The following COL10A1 variants were observed in gnomAD, a reference collection of about 807,000 sequenced individuals.
COL10A1 encodes collagen alpha-1(X) chain.
In COL10A1, 10 loss-of-function variants were observed where a neutral mutation model predicts 18.2. The observed-to-expected ratio is 0.55, with a 90% CI of 0.34 to 0.93. COL10A1 has a LOEUF of 0.93. COL10A1 is among the 40% of genes least tolerant of loss of function. COL10A1 has a pLI of 0.02. For missense variants in COL10A1, 897 were observed against 853.5 expected, an observed-to-expected ratio of 1.05 and a Z score of -0.64; for synonymous variants, 330 against 316.6, an observed-to-expected ratio of 1.04 and a Z score of -0.45.
the COL10A1 span, among the ~76,000 whole-genome samples, chr6:116,168,090 T>G: frequency 6.6e-6 from 1 of 151,176 alleles, no homozygotes; most frequent in South Asian, 2.1e-4. Context: ...TGTCTTTTTT[T>G]TTTTTTTTTT....
At chr6:116,216,320 A>G in the COL10A1 span, among the ~76,000 whole-genome samples, 1 of 151,000 alleles carries the variant, frequency 6.6e-6, no homozygotes, top group Admixed American at 6.6e-5. Context: ...TCTGGTTTTT[A>G]TATTTTATAT....
the COL10A1 span, among the ~76,000 whole-genome samples, chr6:116,171,742 A>C: frequency 6.6e-6 from 1 of 152,160 alleles, no homozygotes; most frequent in Non-Finnish European, 1.5e-5. Flanking sequence ...GTTTTCTCCC[A>C]TGGTAAGAAC....
chr6:116,172,508 G>C, the COL10A1 span, among the ~76,000 whole-genome samples: 2 of 151,822 alleles, frequency 1.3e-5, no homozygotes, highest in Non-Finnish European at 2.9e-5. Flanking sequence ...TTTGAGTAGA[G>C]ACAGGGTTTC....
chr6:116,188,123 C>CTAA, the COL10A1 span, among the ~76,000 whole-genome samples: 1 of 151,818 alleles, frequency 6.6e-6, no homozygotes, highest in Non-Finnish European at 1.5e-5. Context: ...CATGAGAGTG[C>CTAA]TAATTAAAGT....
upstream of COL10A1, among the ~76,000 whole-genome samples, chr6:116,162,565 G>A (rs187125543): frequency 2.0e-3 from 304 of 152,106 alleles, 1 homozygote; most frequent in Admixed American, 3.0e-3. Context: ...TGTTTATGTG[G>A]TGAATCACAT....
chr6:116,166,440 G>A, the COL10A1 span, among the ~76,000 whole-genome samples: 6 of 152,320 alleles, frequency 3.9e-5, no homozygotes, highest in East Asian at 1.2e-3. Context: ...AAGGTGCTAA[G>A]AAATCACAAT....
the COL10A1 span, among the ~76,000 whole-genome samples, chr6:116,173,684 T>G: frequency 6.6e-6 from 1 of 152,204 alleles, no homozygotes; most frequent in East Asian, 1.9e-4. Context: ...TTTATTTATT[T>G]TTTTGGTTGT....
the COL10A1 span, among the ~76,000 whole-genome samples, chr6:116,163,754 A>G: frequency 2.0e-5 from 3 of 152,146 alleles, no homozygotes; most frequent in South Asian, 2.1e-4. Flanking sequence ...ATTTAGTACT[A>G]TGAACTTTCC....
chr6:116,124,779 G>C (rs1230895765), intron 2 of COL10A1, among the ~76,000 whole-genome samples: 1 of 152,134 alleles, frequency 6.6e-6, no homozygotes, highest in Non-Finnish European at 1.5e-5. Flanking sequence ...TATTCAAAAT[G>C]TATAAGTAAT....
At chr6:116,167,135 C>G in the COL10A1 span, among the ~76,000 whole-genome samples, 1 of 151,598 alleles carries the variant, frequency 6.6e-6, no homozygotes, top group Non-Finnish European at 1.5e-5. Context: ...TATGTTCAAC[C>G]AAATGCATCA....
intron 1 of COL10A1, among the ~76,000 whole-genome samples, chr6:116,154,343 T>G (rs1315582079): frequency 6.6e-6 from 1 of 152,216 alleles, no homozygotes; most frequent in Admixed American, 6.6e-5. Context: ...TTTCTGTTCC[T>G]GTATCCTAAC....
upstream of COL10A1, among the ~76,000 whole-genome samples, chr6:116,127,244 T>C (rs1233582644): frequency 1.3e-5 from 2 of 152,172 alleles, no homozygotes; most frequent in Non-Finnish European, 2.9e-5. Context: ...TAAAGATTTG[T>C]CCTTTTTCTT....
the COL10A1 span, among the ~76,000 whole-genome samples, chr6:116,187,649 G>A: frequency 2.0e-5 from 3 of 152,034 alleles, no homozygotes; most frequent in Non-Finnish European, 4.4e-5. Context: ...TGGAGAGTTG[G>A]AAATCTATGT....
chr6:116,200,000 G>A, the COL10A1 span, among the ~76,000 whole-genome samples: 1 of 90,948 alleles, frequency 1.1e-5, no homozygotes, highest in Non-Finnish European at 3.1e-5. Flanking sequence ...TATGGAAAGT[G>A]GGGGGGGAAG....
At chr6:116,191,607 AT>A in the COL10A1 span, among the ~76,000 whole-genome samples, 1 of 152,210 alleles carries the variant, frequency 6.6e-6, no homozygotes, top group South Asian at 2.1e-4. Context: ...GATACCACCA[AT>A]TATATGAAAT....
chr6:116,200,496 G>A, the COL10A1 span, among the ~76,000 whole-genome samples: 1 of 151,894 alleles, frequency 6.6e-6, no homozygotes, highest in Admixed American at 6.6e-5. Flanking sequence ...GAGGTGTATG[G>A]GAACTCTGGA....
the COL10A1 span, among the ~76,000 whole-genome samples, chr6:116,200,634 GC>G: frequency 6.6e-6 from 1 of 152,060 alleles, no homozygotes; most frequent in South Asian, 2.1e-4. Context: ...ATATTATCGA[GC>G]TCTGGTATAT....
chr6:116,138,737 A>T (rs1193059748), intron 1 of COL10A1, among the ~76,000 whole-genome samples: 1 of 152,172 alleles, frequency 6.6e-6, no homozygotes, highest in Non-Finnish European at 1.5e-5. Flanking sequence ...AATGGGGTAC[A>T]TGTAGAACTT....
At chr6:116,174,271 C>G in the COL10A1 span, among the ~76,000 whole-genome samples, 1 of 152,132 alleles carries the variant, frequency 6.6e-6, no homozygotes, top group Non-Finnish European at 1.5e-5. Flanking sequence ...AGCCCACTCT[C>G]AAGAGTGACG....
Sources: gnomAD v4.1 joint callset for allele counts (sites outside exome capture counted in the v4.1 genomes callset) on GRCh38, gnomAD v4.1.1 for gene constraint, MANE v1.5 for transcripts, NCBI Gene and HGNC (gene_info 2026-07-23, HGNC 2026-07-21) for gene names.